Variants in TRIP12 observed in about 807,000 individuals in gnomAD.
The protein encoded by TRIP12 is E3 ubiquitin-protein ligase TRIP12.
A neutral mutation model predicts 244.2 loss-of-function variants in TRIP12; 25 were observed. That is an observed-to-expected ratio of 0.10 (90% confidence interval 0.07 to 0.14). The LOEUF (loss-of-function observed/expected upper bound fraction) is 0.14, where lower values mean the gene tolerates loss of function less well. Among genes scored for constraint, TRIP12 ranks in the 10% least tolerant of loss-of-function variants. TRIP12 has a pLI of 1.00. For missense variants in TRIP12, 1,677 were observed against 2,486.4 expected, an observed-to-expected ratio of 0.67 and a Z score of 6.92; for synonymous variants, 905 against 873.1, an observed-to-expected ratio of 1.04 and a Z score of -0.64.
chr2:229,911,656 T>G (rs1367867765), intron 1 of TRIP12, among the ~76,000 whole-genome samples: 1 of 152,208 alleles, frequency 6.6e-6, no homozygotes, highest in Admixed American at 6.5e-5. Context: ...CTGACTACTA[T>G]ACATTGTATG....
chr2:229,809,231 A>AT lies in TRIP12; in HGVS notation c.2222-863dup, dbSNP rs375402675. ...CAGAATTTCACAATTAGTGATTAAG[A>AT]TTTTTTTTTTAATTACAGTTTTGCA... On this transcript the variant is annotated intron_variant, in intron 15 of 41. Coordinates refer to ENST00000675903, the MANE Select transcript of TRIP12 (RefSeq NM_001348323.3). Among the ~76,000 whole-genome samples, 30 of 150,982 alleles carry AT rather than the reference A, an allele frequency of 2.0e-4. 1 individual carries two copies. Among genetic ancestry groups the AT allele is most frequent in the African/African-American group, 5.6e-4 (23 of 41,204 alleles).
chr2:229,796,883 C>T (rs1435589881), intron 24 of TRIP12, 101 bp from the exon 25 acceptor site: 4 of 1,143,038 alleles, frequency 3.5e-6, no homozygotes, highest in Non-Finnish European at 4.8e-6. Flanking sequence ...TTCTCAACGC[C>T]CTTAAAAAAG....
At chr2:229,877,538 A>T (rs1324859133) in intron 2 of TRIP12, among the ~76,000 whole-genome samples, 6 of 152,224 alleles carry the variant, frequency 3.9e-5, no homozygotes. Flanking sequence ...GTCTCAAAAA[A>T]TAAATTAAAA....
intron 3 of TRIP12, among the ~76,000 whole-genome samples, chr2:229,859,848 G>C (rs570623896): frequency 6.6e-6 from 1 of 152,294 alleles, no homozygotes; most frequent in African/African-American, 2.4e-5. Flanking sequence ...CAAGAATTAA[G>C]ATTACAAGAA....
chr2:229,841,248 T>C (rs2056357407), intron 4 of TRIP12, among the ~76,000 whole-genome samples: 1 of 152,226 alleles, frequency 6.6e-6, no homozygotes, highest in Non-Finnish European at 1.5e-5. Flanking sequence ...TTTTTTTGTA[T>C]ATACCATTTA....
At chr2:229,846,262 A>C (rs1229036900) in intron 4 of TRIP12, among the ~76,000 whole-genome samples, 1 of 152,208 alleles carries the variant, frequency 6.6e-6, no homozygotes, top group East Asian at 1.9e-4. Context: ...TGGAAGCAAA[A>C]GTCAATCAAC....
intron 1 of TRIP12, among the ~76,000 whole-genome samples, chr2:229,883,480 C>T (rs934064965): frequency 1.5e-4 from 23 of 152,112 alleles, no homozygotes; most frequent in African/African-American, 2.2e-4. Context: ...AATATGAACT[C>T]GAAGATTCCA....
chr2:229,895,219 AAAAT>A (rs1204659137), intron 1 of TRIP12, among the ~76,000 whole-genome samples: 4 of 152,252 alleles, frequency 2.6e-5, no homozygotes, highest in Admixed American at 2.6e-4. Flanking sequence ...CATGAAAAAT[AAAAT>A]AATAAAGCTC....
chr2:229,768,718 G>A lies in TRIP12; in HGVS notation c.5905C>T (p.Arg1969Trp), dbSNP rs1480116316. Residue 1969 changes from arginine to tryptophan, a missense_variant and splice_region_variant, in exon 41 of 42, where the codon CGG (arginine) becomes TGG (tryptophan). Coordinates refer to ENST00000675903, the MANE Select transcript of TRIP12 (RefSeq NM_001348323.3). The stretch of plus-strand genomic sequence containing the variant: ...ATCTCAAACAAAAACTTCACAGCCC[G>A]ACTATAACAGAAATAAATATACCAA... ...RPDHGYTHDS[R>W]AVKFLFEILS... 3.1e-6 allele frequency: 5 copies of A among 1,600,472 alleles called. No individual in the cohort carries two copies. Among genetic ancestry groups the A allele is most frequent in the East Asian group, 2.2e-5 (1 of 44,672 alleles).
At chr2:229,912,951 C>A (rs2074615970) in intron 1 of TRIP12, among the ~76,000 whole-genome samples, 1 of 152,122 alleles carries the variant, frequency 6.6e-6, no homozygotes, top group African/African-American at 2.4e-5. Context: ...GCAGCCTCAA[C>A]TTCCTGGGTT....
chr2:229,860,160 T>G (rs1294575750), intron 3 of TRIP12, among the ~76,000 whole-genome samples: 5 of 152,202 alleles, frequency 3.3e-5, no homozygotes, highest in African/African-American at 1.2e-4. Context: ...AATGGTTTGT[T>G]AAGCAAAGGG....
At chr2:229,857,788 C>T (rs937453176) in intron 4 of TRIP12, among the ~76,000 whole-genome samples, 4 of 152,228 alleles carry the variant, frequency 2.6e-5, no homozygotes, top group Non-Finnish European at 5.9e-5. Context: ...GCACATAACG[C>T]TATGTTTCTT....
intron 34 of TRIP12, among the ~76,000 whole-genome samples, chr2:229,781,663 T>C (rs905100748): frequency 1.3e-5 from 2 of 152,188 alleles, no homozygotes; most frequent in Non-Finnish European, 2.9e-5. Flanking sequence ...TTCCCTGGCT[T>C]ACCAATCATC....
chr2:229,820,942 A>G (rs1214181421), intron 8 of TRIP12, among the ~76,000 whole-genome samples: 2 of 152,194 alleles, frequency 1.3e-5, no homozygotes, highest in African/African-American at 4.8e-5. Flanking sequence ...ACTCATGGAT[A>G]CAGAAAGCTA....
chr2:229,772,350 G>A (rs1401480276), intron 38 of TRIP12, among the ~76,000 whole-genome samples: 5 of 152,144 alleles, frequency 3.3e-5, no homozygotes, highest in Non-Finnish European at 7.3e-5. Context: ...CTAGTAAGAT[G>A]GAAGAATAGC....
At chr2:229,838,040 G>T (rs1044653387) in intron 5 of TRIP12, among the ~76,000 whole-genome samples, 24 of 152,134 alleles carry the variant, frequency 1.6e-4, no homozygotes, top group Non-Finnish European at 2.5e-4. Context: ...AAGAAAGGCA[G>T]AAACCTGTTA....
At chr2:229,909,330 G>A (rs1422398748) in intron 1 of TRIP12, among the ~76,000 whole-genome samples, 1 of 151,804 alleles carries the variant, frequency 6.6e-6, no homozygotes, top group Non-Finnish European at 1.5e-5. Flanking sequence ...AGGATCACTT[G>A]AGCCTACGAG....
chr2:229,774,182 G>A lies in TRIP12; in HGVS notation c.5609C>T (p.Thr1870Ile), dbSNP rs1414715963. Residue 1870 changes from threonine to isoleucine, a missense_variant, in exon 38 of 42, where the codon ACT (threonine) becomes ATT (isoleucine). Thr to Ile is a moderately conservative substitution (Grantham distance 89). This residue lies in a region of TRIP12 where 171 missense variants were observed against 388.4 expected (regional missense o/e 0.44). Coordinates refer to ENST00000675903, the MANE Select transcript of TRIP12 (RefSeq NM_001348323.3). Reference protein sequence around the residue: ...CSVEDLGLDFTLPGFPNIELK... With the variant: ...CSVEDLGLDFILPGFPNIELK... ...TTCGATATTGGGAAACCCTGGCAGA[G>A]TGAAATCCAGTCCTAGATCTTCAAC... The A allele has an allele frequency of 6.2e-7, 1 of 1,614,148 alleles. No homozygotes were observed. Among genetic ancestry groups the A allele is most frequent in the Admixed American group, 1.7e-5 (1 of 60,020 alleles).
chr2:229,801,962 G>A (rs1379015207), intron 21 of TRIP12, among the ~76,000 whole-genome samples: 7 of 152,120 alleles, frequency 4.6e-5, no homozygotes, highest in Non-Finnish European at 8.8e-5. Context: ...CAATGTTAGA[G>A]CCTACAAGTA....
Sources: allele counts gnomAD v4.1 joint callset (sites outside exome capture counted in the v4.1 genomes callset), GRCh38; gene constraint gnomAD v4.1.1; regional missense constraint gnomAD v4.1.1; transcripts MANE v1.5; gene names NCBI Gene and HGNC (gene_info 2026-07-23, HGNC 2026-07-21).